Variants in NRXN3 observed in about 807,000 individuals in gnomAD.
The protein encoded by NRXN3 is neurexin 3, also known as neurexin III.
Under a neutral mutation model 137.6 loss-of-function variants are expected in NRXN3, and 32 were observed. That is an observed-to-expected ratio of 0.23 (90% CI 0.18 to 0.31). NRXN3 has a LOEUF of 0.31. NRXN3 is among the 10% of genes least tolerant of loss of function. The pLI, the probability that NRXN3 is intolerant of heterozygous loss-of-function variation, is 1.00. For missense variants in NRXN3, 1,574 were observed against 2,062.5 expected, an observed-to-expected ratio of 0.76 and a Z score of 4.59; for synonymous variants, 798 against 784.5, an observed-to-expected ratio of 1.02 and a Z score of -0.29.
At chr14:79,302,467 G>T (rs2085305934) in intron 15 of NRXN3, among the ~76,000 whole-genome samples, 1 of 151,928 alleles carries the variant, frequency 6.6e-6, no homozygotes, top group African/African-American at 2.4e-5. Context: ...AGAGAGATAG[G>T]GGAGGAGTTG....
intron 16 of NRXN3, among the ~76,000 whole-genome samples, chr14:79,522,678 A>G (rs1476888083): frequency 1.3e-5 from 2 of 152,186 alleles, no homozygotes; most frequent in East Asian, 3.9e-4. Flanking sequence ...GATATTCACT[A>G]TAGTTCTAAA....
At chr14:79,211,709 T>C (rs1171430047) in intron 15 of NRXN3, among the ~76,000 whole-genome samples, 1 of 152,212 alleles carries the variant, frequency 6.6e-6, no homozygotes, top group Non-Finnish European at 1.5e-5. Context: ...GTTCTTTGAT[T>C]ACTAACATCC....
At chr14:78,278,769 T>A in intron 3 of NRXN3, 107 bp downstream of exon 3, 1 of 886,004 alleles carries the variant, frequency 1.1e-6, no homozygotes, top group South Asian at 1.4e-5. Flanking sequence ...CTAAGTGTAT[T>A]GCATTTTCAC....
chr14:78,511,179 A>G (rs1352716155), intron 4 of NRXN3, among the ~76,000 whole-genome samples: 2 of 152,138 alleles, frequency 1.3e-5, no homozygotes, highest in Non-Finnish European at 2.9e-5. Context: ...ACAACAAAAA[A>G]CATCTAACAA....
At chr14:78,314,827 T>C (rs1402363040) in intron 4 of NRXN3, among the ~76,000 whole-genome samples, 1 of 152,122 alleles carries the variant, frequency 6.6e-6, no homozygotes, top group Non-Finnish European at 1.5e-5. Context: ...CACTTCTCAT[T>C]CATTTTTCTA....
At chr14:78,667,217 A>G (rs779744847) in intron 6 of NRXN3, among the ~76,000 whole-genome samples, 4 of 152,070 alleles carry the variant, frequency 2.6e-5, no homozygotes, top group Non-Finnish European at 5.9e-5. Context: ...TTGTTTTTCT[A>G]CTTACTACCT....
chr14:78,986,563 A>G (rs2099505726), intron 14 of NRXN3, among the ~76,000 whole-genome samples: 2 of 152,218 alleles, frequency 1.3e-5, no homozygotes, highest in African/African-American at 4.8e-5. Flanking sequence ...ATTTACTTGT[A>G]AGTTATATAC....
At chr14:78,712,655 C>T (rs187625638) in intron 7 of NRXN3, among the ~76,000 whole-genome samples, 205 of 152,318 alleles carry the variant, frequency 1.3e-3, no homozygotes, top group Non-Finnish European at 2.1e-3. Flanking sequence ...CCCCACCTCC[C>T]GGGTCCAAGG....
intron 15 of NRXN3, among the ~76,000 whole-genome samples, chr14:79,267,485 G>C (rs2078619820): frequency 1.3e-5 from 2 of 151,768 alleles, no homozygotes; most frequent in South Asian, 4.2e-4. Context: ...AGCTTCCCTA[G>C]TAGCTGGGAT....
rs866102994 is a variant in NRXN3 at position 79,713,480 on chromosome 14, A to G, written c.4014+15543A>G. Reference sequence around the variant, plus strand: ...TAGAGATCTGAGATATATATAATGTATATATATATATATATATTTGAACAT... The same window carrying G: ...TAGAGATCTGAGATATATATAATGTGTATATATATATATATATTTGAACAT... On this transcript the variant is annotated intron_variant, in intron 19 of 20. Transcript: ENST00000335750. 8.4e-4 allele frequency among the ~76,000 whole-genome samples: 120 copies of G among 143,372 alleles called. 1 individual carries two copies. Among genetic ancestry groups the G allele is most frequent in the Non-Finnish European group, 8.2e-4 (54 of 65,502 alleles). 94.1% of individuals were successfully genotyped at this position (143,372 alleles called of 152,430 possible).
chr14:78,582,437 T>C (rs80001411), intron 4 of NRXN3, among the ~76,000 whole-genome samples: 2,970 of 152,328 alleles, frequency 0.019, 45 homozygotes, highest in Non-Finnish European at 0.026. Flanking sequence ...GAATATCCCC[T>C]TCAAAACTCA....
At chr14:79,407,037 A>C (rs1378891928) in intron 15 of NRXN3, among the ~76,000 whole-genome samples, 1 of 152,148 alleles carries the variant, frequency 6.6e-6, no homozygotes, top group African/African-American at 2.4e-5. Context: ...ACGATCAGGG[A>C]TGCTATATCA....
chr14:79,100,691 C>T (rs918782481), intron 15 of NRXN3, among the ~76,000 whole-genome samples: 1 of 152,126 alleles, frequency 6.6e-6, no homozygotes, highest in Non-Finnish European at 1.5e-5. Context: ...ATAGGGCACC[C>T]CATGGGACTT....
rs546406298 is a variant in NRXN3 at position 79,320,531 on chromosome 14, T to G, written c.3263-146690T>G. 2.0e-5 allele frequency among the ~76,000 whole-genome samples: 3 copies of G among 152,340 alleles called. No individual in the cohort carries two copies. In the South Asian group the frequency reaches 6.2e-4, roughly 32 times the overall value. ...GCATAATGGATATGTGAATAGTGCC[T>G]GTTTTGTACATTTTCCCTCAGGTAA... On this transcript the variant is annotated intron_variant, in intron 15 of 20. Transcript: ENST00000335750.
At chr14:78,980,457 GTGT>G (rs1238330680) in intron 14 of NRXN3, among the ~76,000 whole-genome samples, 1 of 152,196 alleles carries the variant, frequency 6.6e-6, no homozygotes, top group African/African-American at 2.4e-5. Context: ...TCTGATACTA[GTGT>G]TGTGAGCTTT....
intron 16 of NRXN3, among the ~76,000 whole-genome samples, chr14:79,505,344 G>C (rs77415074): frequency 1.3e-5 from 2 of 152,124 alleles, no homozygotes; most frequent in Non-Finnish European, 2.9e-5. Flanking sequence ...TGAGGGTTAG[G>C]GTTGTCATTC....
chr14:78,414,239 G>A (rs1294578130), intron 4 of NRXN3, among the ~76,000 whole-genome samples: 1 of 152,002 alleles, frequency 6.6e-6, no homozygotes, highest in Non-Finnish European at 1.5e-5. Context: ...GTCAAGTTGA[G>A]AGGAGGTAGC....
intron 4 of NRXN3, among the ~76,000 whole-genome samples, chr14:78,466,863 T>C (rs1005263482): frequency 1.3e-5 from 2 of 152,318 alleles, no homozygotes; most frequent in East Asian, 3.9e-4. Flanking sequence ...TTCAATATCA[T>C]GAATGATGAA....
At chr14:79,395,725 C>T (rs8012471) in intron 15 of NRXN3, among the ~76,000 whole-genome samples, 4,689 of 150,672 alleles carry the variant, frequency 0.031, 238 homozygotes, top group African/African-American at 0.11. Context: ...AGGAGAATGG[C>T]GTGAACCCGG....
Sources: allele counts gnomAD v4.1 joint callset (sites outside exome capture counted in the v4.1 genomes callset), GRCh38; gene constraint gnomAD v4.1.1; transcripts MANE v1.5; gene names NCBI Gene and HGNC (gene_info 2026-07-23, HGNC 2026-07-21).